The following MARCHF10 variants were observed in gnomAD, a reference collection of about 807,000 sequenced individuals.
MARCHF10 encodes the protein membrane associated ring-CH-type finger 10.
MARCHF10 carries 64 observed loss-of-function variants against 76.2 expected under a neutral mutation model. The observed-to-expected ratio is 0.84, with a 90% CI of 0.69 to 1.03. The LOEUF (loss-of-function observed/expected upper bound fraction) is 1.03, where lower values mean the gene tolerates loss of function less well. Ranked by LOEUF, MARCHF10 falls within the 50% of genes least tolerant of loss-of-function variation. MARCHF10 has a pLI of 0.00. For synonymous variants in MARCHF10, 340 were observed against 357.5 expected, an observed-to-expected ratio of 0.95 and a Z score of 0.55; for missense variants, 875 against 958.0, an observed-to-expected ratio of 0.91 and a Z score of 1.14.
At chr17:62,788,413 A>T (rs1459522394) in intron 3 of MARCHF10, 67 bp downstream of exon 3, 12 of 1,594,022 alleles carry the variant, frequency 7.5e-6, no homozygotes, top group Non-Finnish European at 9.4e-6. Context: ...CATCACACAC[A>T]CACACACACC....
At chr17:62,752,223 C>G (rs73992052) in intron 4 of MARCHF10, among the ~76,000 whole-genome samples, 10,304 of 152,066 alleles carry the variant, frequency 0.068, 735 homozygotes, top group African/African-American at 0.18. Context: ...CAGTTGTTAT[C>G]TCCCAAAGTC....
chr17:62,798,422 G>C (rs183768038), intron 2 of MARCHF10, among the ~76,000 whole-genome samples: 2 of 147,552 alleles, frequency 1.4e-5, no homozygotes, highest in Non-Finnish European at 3.0e-5. Context: ...CCAGGAGTTC[G>C]AGACCAGCCT....
chr17:62,788,099 G>A (rs1198684323), intron 3 of MARCHF10, among the ~76,000 whole-genome samples: 4 of 152,168 alleles, frequency 2.6e-5, no homozygotes, highest in Non-Finnish European at 5.9e-5. Context: ...CTTGCATCAA[G>A]TTAGACCATA....
intron 8 of MARCHF10, among the ~76,000 whole-genome samples, chr17:62,713,379 G>C: frequency 6.6e-6 from 1 of 152,298 alleles, no homozygotes; most frequent in South Asian, 2.1e-4. Flanking sequence ...ACTCAATAAG[G>C]CCCAGAGGCA....
At chr17:62,767,888 C>T (rs1016834553) in intron 3 of MARCHF10, among the ~76,000 whole-genome samples, 5 of 152,288 alleles carry the variant, frequency 3.3e-5, no homozygotes, top group African/African-American at 1.2e-4. Context: ...AGCCCCTGCA[C>T]CTACTGCCCC....
At chr17:62,795,453 T>C (rs1282296266) in intron 2 of MARCHF10, among the ~76,000 whole-genome samples, 2 of 150,508 alleles carry the variant, frequency 1.3e-5, no homozygotes, top group Admixed American at 6.6e-5. Flanking sequence ...AATTATATAC[T>C]AGTTACCAGA....
chr17:62,717,892 C>T (rs2090294860), intron 8 of MARCHF10, among the ~76,000 whole-genome samples: 1 of 152,198 alleles, frequency 6.6e-6, no homozygotes, highest in Admixed American at 6.6e-5. Context: ...CTAGAAGGTG[C>T]TTGTAGCCAG....
chr17:62,705,528 C>T lies in MARCHF10; in HGVS notation c.2371+11G>A, dbSNP rs781286170. 2 of 1,614,134 alleles carry T rather than the reference C, an allele frequency of 1.2e-6. No homozygotes were observed. Among genetic ancestry groups the T allele is most frequent in the Non-Finnish European group, 8.5e-7 (1 of 1,180,038 alleles). Reference sequence around the variant, plus strand: ...ACCCTCAAAATGGCAGGACTGGCCCCCAAAACCTACTTTCATTTTCCTCTG... The same window carrying T: ...ACCCTCAAAATGGCAGGACTGGCCCTCAAAACCTACTTTCATTTTCCTCTG... On this transcript the variant is annotated intron_variant, in intron 10 of 10. Coordinates refer to ENST00000311269, the MANE Select transcript of MARCHF10 (RefSeq NM_152598.4).
intron 3 of MARCHF10, among the ~76,000 whole-genome samples, chr17:62,785,813 A>G (rs541841129): frequency 6.6e-6 from 1 of 152,372 alleles, no homozygotes; most frequent in South Asian, 2.1e-4. Context: ...AATGCAAATC[A>G]AAACCACAAT....
At chr17:62,790,294 G>C (rs1238322072) in intron 2 of MARCHF10, among the ~76,000 whole-genome samples, 2 of 152,068 alleles carry the variant, frequency 1.3e-5, no homozygotes, top group Admixed American at 6.5e-5. Flanking sequence ...TCCTGCCTTA[G>C]CCTCCCAAGT....
At chr17:62,772,965 A>G (rs1314247537) in intron 3 of MARCHF10, among the ~76,000 whole-genome samples, 3 of 152,206 alleles carry the variant, frequency 2.0e-5, no homozygotes, top group South Asian at 2.1e-4. Flanking sequence ...TATTTTGATG[A>G]CTATTTCAAT....
At chr17:62,766,681 G>A (rs2092339844) in intron 3 of MARCHF10, among the ~76,000 whole-genome samples, 1 of 152,130 alleles carries the variant, frequency 6.6e-6, no homozygotes, top group Admixed American at 6.5e-5. Context: ...AGCAACACCA[G>A]GGGGCTTGGC....
intron 2 of MARCHF10, 34 bp from the exon 3 acceptor site, chr17:62,788,633 G>C (rs1021097354): frequency 6.2e-7 from 1 of 1,612,254 alleles, no homozygotes; most frequent in Non-Finnish European, 8.5e-7. Context: ...GTTTGTCTTA[G>C]GACCATGGCA....
At chr17:62,801,140 ATCC>A (rs1219823811) in intron 2 of MARCHF10, among the ~76,000 whole-genome samples, 2 of 151,930 alleles carry the variant, frequency 1.3e-5, no homozygotes, top group African/African-American at 4.8e-5. Context: ...TACAACCATT[ATCC>A]TCGTTTTTTT....
At chr17:62,716,808 T>G (rs994273368) in intron 8 of MARCHF10, among the ~76,000 whole-genome samples, 2 of 152,088 alleles carry the variant, frequency 1.3e-5, no homozygotes, top group East Asian at 3.9e-4. Context: ...TTTCTTTTGG[T>G]TTTGCCCCTT....
At chr17:62,742,704 CTTTTTTT>C (rs1236454033) in intron 5 of MARCHF10, among the ~76,000 whole-genome samples, 1 of 36,974 alleles carries the variant, frequency 2.7e-5, no homozygotes, top group African/African-American at 5.3e-5. Context: ...TTTCTTTTTT[CTTTTTTT>C]TTTTTGAGAA....
chr17:62,802,180 G>A (rs181422183), intron 1 of MARCHF10, among the ~76,000 whole-genome samples: 3 of 152,266 alleles, frequency 2.0e-5, no homozygotes, highest in Admixed American at 2.0e-4. Context: ...GGACACTGGA[G>A]TATAGCAAGC....
intron 3 of MARCHF10, among the ~76,000 whole-genome samples, chr17:62,764,961 C>G (rs994659354): frequency 2.6e-5 from 4 of 152,200 alleles, no homozygotes; most frequent in Non-Finnish European, 5.9e-5. Context: ...GCTGCTGACT[C>G]TCATCTGTCT....
At chr17:62,769,440 C>A (rs948196494) in intron 3 of MARCHF10, among the ~76,000 whole-genome samples, 2 of 152,126 alleles carry the variant, frequency 1.3e-5, no homozygotes, top group Non-Finnish European at 2.9e-5. Context: ...TTGTTTGAGA[C>A]AGAGTCTCGC....
Sources: gnomAD v4.1 joint callset for allele counts (sites outside exome capture counted in the v4.1 genomes callset) on GRCh38, gnomAD v4.1.1 for gene constraint, MANE v1.5 for transcripts, NCBI Gene and HGNC (gene_info 2026-07-23, HGNC 2026-07-21) for gene names.